STARD10: variants seen among roughly 807,000 people sequenced by gnomAD.
The protein encoded by STARD10 is StAR related lipid transfer domain containing 10.
In STARD10, 24 loss-of-function variants were observed where a neutral mutation model predicts 36.0. The observed-to-expected ratio is 0.67, with a 90% CI of 0.48 to 0.94. STARD10 has a LOEUF of 0.94. Among genes scored for constraint, STARD10 ranks in the 40% least tolerant of loss-of-function variants. The pLI, the probability that STARD10 is intolerant of heterozygous loss-of-function variation, is 0.00. For synonymous variants in STARD10, 156 were observed against 161.9 expected (o/e 0.96, Z 0.28); for missense variants, 335 against 396.6 (o/e 0.84, Z 1.32).
chr11:72,782,493 C>G (rs1859017514), intron 1 of STARD10: 1 of 152,374 alleles, frequency 6.6e-6, no homozygotes, highest in Non-Finnish European at 1.5e-5. Flanking sequence ...AACCGGGACT[C>G]CCTCCAGCCC....
At chr11:72,767,082 A>G (rs1858802212) in intron 2 of STARD10, among the ~76,000 whole-genome samples, 1 of 152,220 alleles carries the variant, frequency 6.6e-6, no homozygotes, top group Non-Finnish European at 1.5e-5. Flanking sequence ...TGATGAGAGT[A>G]ACTGTTAAGC....
intron 2 of STARD10, among the ~76,000 whole-genome samples, chr11:72,767,004 T>G (rs373490301): frequency 6.6e-6 from 1 of 152,368 alleles, no homozygotes; most frequent in East Asian, 1.9e-4. Context: ...CTGGCTTCAG[T>G]TGGGCTCTGA....
chr11:72,770,688 C>G (rs1413599694), intron 2 of STARD10, among the ~76,000 whole-genome samples: 2 of 152,122 alleles, frequency 1.3e-5, no homozygotes, highest in African/African-American at 4.8e-5. Flanking sequence ...CAGACAATGA[C>G]AACTCTTTAG....
In STARD10 at chr11:72,769,023, GT is replaced by G. The variant is rs199945007; in HGVS notation, c.208-9643del. 6.0e-3 allele frequency among the ~76,000 whole-genome samples: 916 copies of G among 152,294 alleles called. 4 individuals carry two copies. Among genetic ancestry groups the G allele is most frequent in the Non-Finnish European group, 0.01 (704 of 68,024 alleles). On this transcript the variant is annotated intron_variant, in intron 2 of 6. Transcript: ENST00000334805. ...CAGCCGTGAAAATCCCTGAACTCTT[GT>G]AGATCTCTATAACACAAGGACAACT...
At chr11:72,777,014 C>G (rs899327641) in intron 2 of STARD10, among the ~76,000 whole-genome samples, 1 of 152,190 alleles carries the variant, frequency 6.6e-6, no homozygotes, top group African/African-American at 2.4e-5. Context: ...GAGCCTCAGG[C>G]TCTCAGCCAC....
chr11:72,758,044 A>T, intron 4 of STARD10, 160 bp from the exon 5 acceptor site: 2 of 715,588 alleles, frequency 2.8e-6, no homozygotes, highest in Non-Finnish European at 4.9e-6. Context: ...AGAGAAAGGG[A>T]AGAACCAGAG....
rs760513932 is a variant in STARD10 at position 72,759,314 on chromosome 11, C to T, written c.275G>A (p.Arg92His). 1.9e-6 allele frequency: 3 copies of T among 1,613,964 alleles called. No individual in the cohort carries two copies. The highest frequency in any genetic ancestry group is 1.3e-5 in the African/African-American group (1 of 74,864). ...AATGACGTTGCTGTCCCATTTCTTG[C>T]GGTACTCAATGTCGTGTAGGACGTC... ...LYDVLHDIEYRKKWDSNVIET... is the reference protein window; with the variant it reads ...LYDVLHDIEYHKKWDSNVIET... Residue 92 changes from arginine to histidine, a missense_variant, in exon 3 of 7, where the codon CGC becomes CAC. By Grantham distance (29) the Arg-to-His change is conservative (BLOSUM62 0). Transcript: ENST00000334805.
rs186506105 is a variant in STARD10, at chr11:72,777,613, A to G, written c.207+3362T>C. ...GACAGGGACTGAACTGTCAGGAGGT[A>G]GTGTCTGTCTCTTTTCCAGTATTCA... On this transcript the variant is annotated intron_variant, in intron 2 of 6. Transcript: ENST00000334805. 3.6e-3 allele frequency among the ~76,000 whole-genome samples: 543 copies of G among 152,356 alleles called. 7 individuals carry two copies. The highest frequency in any genetic ancestry group is 0.012 in the African/African-American group (519 of 41,596).
intron 4 of STARD10, 70 bp from the exon 5 acceptor site, chr11:72,757,954 C>A: frequency 2.3e-6 from 3 of 1,284,774 alleles, no homozygotes; most frequent in Middle Eastern, 1.9e-4. Context: ...TGAGTATACA[C>A]AAACGCGCAC....
intron 1 of STARD10, among the ~76,000 whole-genome samples, chr11:72,785,183 A>T (rs1219145492): frequency 1.3e-5 from 2 of 152,146 alleles, no homozygotes; most frequent in Non-Finnish European, 2.9e-5. Flanking sequence ...GCAGAACTAA[A>T]GACCCCTCAG....
intron 2 of STARD10, among the ~76,000 whole-genome samples, chr11:72,778,657 A>C (rs1858955376): frequency 6.6e-6 from 1 of 152,140 alleles, no homozygotes; most frequent in Non-Finnish European, 1.5e-5. Flanking sequence ...TGCAGGGAGA[A>C]GCAAGGCAGG....
rs1189000490 is a variant in STARD10 at position 72,761,917 on chromosome 11, C to CTTT, written c.208-2539_208-2537dup. Reference sequence around the variant, plus strand: ...TCTGTATTTCTTTTTCTTTTCTTTTCTTTTTTTTTTTTTTTTTTTTTTTTT... The same window carrying CTTT: ...TCTGTATTTCTTTTTCTTTTCTTTTCTTTTTTTTTTTTTTTTTTTTTTTTTTTT... On this transcript the variant is annotated intron_variant, in intron 2 of 6. Transcript: ENST00000334805. Among the ~76,000 whole-genome samples the CTTT allele has an allele frequency of 2.0e-3, 75 of 37,466 alleles. 2 individuals carry two copies. The highest frequency in any genetic ancestry group is 2.3e-3 in the African/African-American group (19 of 8,184). The allele number at this position is 37,466 out of a possible 152,430, so 24.6% of individuals were successfully genotyped here.
In STARD10 at chr11:72,755,164, G is replaced by C. The variant is rs555363429; in HGVS notation, c.631-22C>G. ...TGGCCTGTGGGCCCGCCGCCCCGCC[G>C]GGTCAGGGGGTGGCTAGGGGGCAGG... On this transcript the variant is annotated intron_variant, in intron 6 of 6. Coordinates refer to ENST00000334805, the MANE Select transcript of STARD10 (RefSeq NM_006645.3). 24 of 1,599,320 alleles carry C rather than the reference G, an allele frequency of 1.5e-5. No individual in the cohort carries two copies. In the African/African-American group the frequency reaches 3.2e-4, roughly 21 times the overall value.
intron 2 of STARD10, among the ~76,000 whole-genome samples, chr11:72,767,699 C>T (rs1281597993): frequency 6.6e-6 from 1 of 152,194 alleles, no homozygotes; most frequent in Non-Finnish European, 1.5e-5. Context: ...GGGCTCCAAA[C>T]CTGAAGCACC....
intron 1 of STARD10, chr11:72,790,227 T>C (rs1859123985): frequency 6.6e-6 from 1 of 151,936 alleles, no homozygotes; most frequent in African/African-American, 2.4e-5. Context: ...ACTATGAGGG[T>C]AGTGGGGGGA....
intron 1 of STARD10, 28 bp downstream of exon 1, chr11:72,792,847 G>C (rs1174023077): frequency 6.5e-6 from 1 of 152,814 alleles, no homozygotes; most frequent in Non-Finnish European, 1.5e-5. Flanking sequence ...GTCACACCTG[G>C]GTTCTTTCCC....
chr11:72,778,760 C>G (rs1031861340), intron 2 of STARD10, among the ~76,000 whole-genome samples: 3 of 152,190 alleles, frequency 2.0e-5, no homozygotes, highest in Non-Finnish European at 2.9e-5. Context: ...CTCTCTGAGC[C>G]CCAGTATCCT....
intron 1 of STARD10, among the ~76,000 whole-genome samples, chr11:72,786,782 C>T (rs571130768): frequency 3.3e-5 from 5 of 152,192 alleles, no homozygotes; most frequent in East Asian, 1.9e-4. Flanking sequence ...AAATACAGGA[C>T]GACAGCCAGG....
rs1350650131 is a variant in STARD10, at chr11:72,792,944, AG to A, written c.-184del. 6.5e-6 allele frequency: 1 copy of A among 152,908 alleles called. No homozygotes were observed. Among genetic ancestry groups the A allele is most frequent in the Non-Finnish European group, 1.5e-5 (1 of 68,644 alleles). The allele number at this position is 152,908 out of a possible 1,614,324, so 9.5% of individuals were successfully genotyped here. A position where few individuals can be genotyped will look rare whatever the true frequency, so the allele number is the denominator to read the frequency against. ...CTCCAGAATTCTCCAGATCCTCCTC[AG>A]CTTCTTGGCTCTGGTGCTCATCTCA... On this transcript the variant is annotated 5_prime_UTR_variant, in exon 1 of 7. The change creates a premature stop within an existing upstream ORF in the 5' untranslated region. Transcript: ENST00000334805.
Sources: allele counts gnomAD v4.1 joint callset (sites outside exome capture counted in the v4.1 genomes callset), GRCh38; gene constraint gnomAD v4.1.1; transcripts MANE v1.5; gene names NCBI Gene and HGNC (gene_info 2026-07-23, HGNC 2026-07-21).